Variants in THSD7A observed in about 807,000 individuals in gnomAD.
THSD7A encodes the protein thrombospondin type-1 domain-containing protein 7A.
In THSD7A, 96 loss-of-function variants were observed where a neutral mutation model predicts 231.3. The ratio of observed to expected loss-of-function variants is 0.41; its 90% CI spans 0.35 to 0.49. The LOEUF (loss-of-function observed/expected upper bound fraction) is 0.49. THSD7A is among the 20% of genes least tolerant of loss of function. The pLI is 0.05. For synonymous variants in THSD7A, 940 were observed against 743.3 expected (o/e 1.26, Z -4.30); for missense variants, 2,290 against 2,070.2 (o/e 1.11, Z -2.06).
At chr7:11,786,568 T>G (rs944304952) in intron 1 of THSD7A, among the ~76,000 whole-genome samples, 1 of 148,152 alleles carries the variant, frequency 6.7e-6, no homozygotes, top group African/African-American at 2.6e-5. Context: ...AAAAAGCACT[T>G]GAGACTTTGA....
intron 1 of THSD7A, among the ~76,000 whole-genome samples, chr7:11,801,124 A>G (rs1784262483): frequency 6.6e-6 from 1 of 151,794 alleles, no homozygotes; most frequent in Admixed American, 6.6e-5. Flanking sequence ...CAACAAGGAG[A>G]CCCCATTTCA....
At chr7:11,555,426 G>T (rs1789804422) in intron 4 of THSD7A, among the ~76,000 whole-genome samples, 1 of 151,792 alleles carries the variant, frequency 6.6e-6, no homozygotes, top group Admixed American at 6.6e-5. Context: ...ATTCCATTGT[G>T]CTCAGAGAAC....
chr7:11,746,422 T>A (rs1052643287), intron 1 of THSD7A, among the ~76,000 whole-genome samples: 2 of 151,876 alleles, frequency 1.3e-5, no homozygotes, highest in Admixed American at 1.3e-4. Flanking sequence ...TAATCCAGAA[T>A]CCCCCAATGC....
chr7:11,676,889 C>T (rs1359534202), intron 1 of THSD7A, among the ~76,000 whole-genome samples: 1 of 152,064 alleles, frequency 6.6e-6, no homozygotes, highest in East Asian at 1.9e-4. Flanking sequence ...GCAAGACAGG[C>T]CAACATTCAA....
intron 4 of THSD7A, among the ~76,000 whole-genome samples, chr7:11,554,009 T>C (rs1190711355): frequency 1.3e-5 from 2 of 152,028 alleles, no homozygotes; most frequent in East Asian, 1.9e-4. Flanking sequence ...TAGATTGATA[T>C]GAAATTGTAA....
chr7:11,435,066 GTATT>G (rs1562606705), intron 13 of THSD7A, among the ~76,000 whole-genome samples: 1 of 151,866 alleles, frequency 6.6e-6, no homozygotes, highest in Non-Finnish European at 1.5e-5. Context: ...TATCTGCTAA[GTATT>G]TATAAATTTT....
chr7:11,502,729 C>T (rs1159071579), intron 6 of THSD7A, among the ~76,000 whole-genome samples: 1 of 152,114 alleles, frequency 6.6e-6, no homozygotes, highest in East Asian at 1.9e-4. Context: ...ACACAAAATA[C>T]CTAGGAATAC....
At chr7:11,615,439 C>G (rs2128350533) in intron 2 of THSD7A, among the ~76,000 whole-genome samples, 1 of 152,200 alleles carries the variant, frequency 6.6e-6, no homozygotes, top group Middle Eastern at 3.4e-3. Context: ...TTCCTTGACT[C>G]CCCCAGGAAT....
chr7:11,767,092 T>C (rs565094117), intron 1 of THSD7A, among the ~76,000 whole-genome samples: 32 of 152,308 alleles, frequency 2.1e-4, no homozygotes, highest in African/African-American at 7.7e-4. Context: ...TGTGCATGTA[T>C]GTTTCTGTGT....
intron 4 of THSD7A, among the ~76,000 whole-genome samples, chr7:11,589,651 C>T (rs1004397184): frequency 2.6e-5 from 4 of 152,068 alleles, no homozygotes; most frequent in Non-Finnish European, 4.4e-5. Context: ...TGTTAATATA[C>T]GTTCAATGGG....
intron 17 of THSD7A, among the ~76,000 whole-genome samples, chr7:11,415,509 A>G (rs1029181715): frequency 6.6e-6 from 1 of 152,256 alleles, no homozygotes; most frequent in Non-Finnish European, 1.5e-5. Context: ...GGTTCAGAAC[A>G]AAAACAAGAG....
At chr7:11,629,865 C>T (rs143978604) in intron 2 of THSD7A, among the ~76,000 whole-genome samples, 4 of 152,286 alleles carry the variant, frequency 2.6e-5, no homozygotes, top group Admixed American at 2.6e-4. Context: ...ATTAGAATCA[C>T]AAAAGTTGAA....
chr7:11,691,719 A>G (rs1004635350), intron 1 of THSD7A, among the ~76,000 whole-genome samples: 11 of 151,462 alleles, frequency 7.3e-5, no homozygotes, highest in Non-Finnish European at 1.5e-4. Flanking sequence ...ATGTTTATTC[A>G]GTCATATTAT....
At chr7:11,378,761 TCA>T in intron 26 of THSD7A, 3 of 310,258 alleles carry the variant, frequency 9.7e-6, no homozygotes, top group South Asian at 4.3e-5. Context: ...TTTTTAAAAT[TCA>T]TGTTTCTAAC....
intron 4 of THSD7A, among the ~76,000 whole-genome samples, chr7:11,567,263 T>C (rs34695210): frequency 0.014 from 453 of 33,168 alleles, 5 homozygotes; most frequent in African/African-American, 0.039. Flanking sequence ...AGCAAGACAC[T>C]TCCCCCTCAA....
intron 6 of THSD7A, among the ~76,000 whole-genome samples, chr7:11,539,403 T>C (rs1449223101): frequency 6.6e-6 from 1 of 152,234 alleles, no homozygotes; most frequent in African/African-American, 2.4e-5. Flanking sequence ...GTGGAAAAGA[T>C]GTCCTGTAAA....
chr7:11,403,157 T>C (rs1303097949), intron 22 of THSD7A, among the ~76,000 whole-genome samples: 2 of 152,188 alleles, frequency 1.3e-5, no homozygotes, highest in African/African-American at 2.4e-5. Flanking sequence ...GGGTTTCTTA[T>C]CACTTATTTA....
At chr7:11,502,757 G>A (rs1241560880) in intron 6 of THSD7A, among the ~76,000 whole-genome samples, 1 of 151,974 alleles carries the variant, frequency 6.6e-6, no homozygotes, top group Non-Finnish European at 1.5e-5. Flanking sequence ...TAGAATGGTG[G>A]AAGATCTCTA....
intron 4 of THSD7A, among the ~76,000 whole-genome samples, chr7:11,587,106 T>C (rs1173382311): frequency 6.6e-6 from 1 of 152,176 alleles, no homozygotes; most frequent in Admixed American, 6.5e-5. Flanking sequence ...TTACTGTAGG[T>C]AAAATCTACT....
Sources: gnomAD v4.1 joint callset for allele counts (sites outside exome capture counted in the v4.1 genomes callset) on GRCh38, gnomAD v4.1.1 for gene constraint, MANE v1.5 for transcripts, NCBI Gene and HGNC (gene_info 2026-07-23, HGNC 2026-07-21) for gene names.